ATP6V0A2: variants seen among roughly 807,000 people sequenced by gnomAD.
ATP6V0A2 encodes the protein V-type proton ATPase 116 kDa subunit a 2.
Under a neutral mutation model 104.4 loss-of-function variants are expected in ATP6V0A2, and 58 were observed. The ratio of observed to expected loss-of-function variants is 0.56; its 90% CI spans 0.45 to 0.69. The LOEUF (loss-of-function observed/expected upper bound fraction) is 0.69. Among genes scored for constraint, ATP6V0A2 ranks in the 30% least tolerant of loss-of-function variants. The probability of loss-of-function intolerance (pLI) is 0.00; values close to 1 mark genes in which losing one functional copy is unlikely to be tolerated. For synonymous variants in ATP6V0A2, 376 were observed against 397.9 expected, an observed-to-expected ratio of 0.95 and a Z score of 0.65; for missense variants, 938 against 1,062.9, an observed-to-expected ratio of 0.88 and a Z score of 1.63.
At position 123,751,116 on chromosome 12, in the gene ATP6V0A2, G is replaced by T; in HGVS notation, c.1942G>T (p.Val648Phe). The change falls in exon 16 of 20, where the codon GTC (valine) becomes TTC (phenylalanine). Residue 648 changes from valine to phenylalanine, a missense_variant. Physicochemically the swap from Val to Phe is conservative, Grantham distance 50 (BLOSUM62 -1). Transcript: ENST00000330342. The part of the protein sequence containing the change: ...TSGLYTGQEY[V>F]QRVLLVVTAL... ...TCACCTTCTGCACTAACAGGAGTAT[G>T]TCCAGAGAGTGCTGCTGGTTGTCAC... 1 of 1,614,164 alleles carries T rather than the reference G, an allele frequency of 6.2e-7. No homozygotes were observed. The highest frequency in any genetic ancestry group is 1.1e-5 in the South Asian group (1 of 91,086).
At chr12:123,742,726 C>T (rs892130442) in intron 9 of ATP6V0A2, among the ~76,000 whole-genome samples, 2 of 151,906 alleles carry the variant, frequency 1.3e-5, no homozygotes, top group African/African-American at 2.4e-5. Flanking sequence ...ATCCCAACTA[C>T]TTGGGAGGCT....
rs560577890 is a variant in ATP6V0A2 at position 123,754,691 on chromosome 12, T to A, written c.2293+154T>A. ...CACTATTCACTACTTAATACACAGC[T>A]CTCTTGGCTATTTCTTTTGGCTGAG... On this transcript the variant is annotated intron_variant, in intron 18 of 19. Transcript: ENST00000330342. 3.3e-4 allele frequency: 213 copies of A among 643,508 alleles called. 1 individual carries two copies. Among genetic ancestry groups the A allele is most frequent in the Middle Eastern group, 2.9e-3 (7 of 2,440 alleles). The allele number at this position is 643,508 out of a possible 1,614,324, so 39.9% of individuals were successfully genotyped here.
intron 6 of ATP6V0A2, chr12:123,730,527 C>T (rs565976784): frequency 2.0e-5 from 3 of 152,334 alleles, no homozygotes; most frequent in East Asian, 3.9e-4. Context: ...ATTAACCACT[C>T]ACTTGTAATA....
At chr12:123,757,060 A>C in intron 19 of ATP6V0A2, 74 bp downstream of exon 19, 1 of 1,495,886 alleles carries the variant, frequency 6.7e-7, no homozygotes, top group Non-Finnish European at 9.3e-7. Flanking sequence ...GCCCAACCAA[A>C]TATACACAGC....
chr12:123,726,388 G>T (rs1183562729), intron 5 of ATP6V0A2, 103 bp downstream of exon 5: 6 of 833,636 alleles, frequency 7.2e-6, no homozygotes, highest in Admixed American at 1.8e-5. Context: ...AAAGCCTAGG[G>T]TTGAATGAAA....
chr12:123,732,652 C>G (rs1233521082), intron 6 of ATP6V0A2: 1 of 143,858 alleles, frequency 7.0e-6, no homozygotes, highest in Non-Finnish European at 1.5e-5. Context: ...TTCCATTTAC[C>G]CTGACTTGAA....
intron 13 of ATP6V0A2, 62 bp downstream of exon 13, chr12:123,745,034 G>T (rs1361471033): frequency 4.0e-6 from 6 of 1,497,518 alleles, no homozygotes; most frequent in Non-Finnish European, 5.6e-6. Flanking sequence ...AGCTTCGGGC[G>T]CCACGAGTTT....
At position 123,761,406 on chromosome 12, in the gene ATP6V0A2, A is replaced by G. The variant is rs1219209453; in HGVS notation, c.*3374A>G. On this transcript the variant is annotated 3_prime_UTR_variant, in exon 20 of 20. Coordinates refer to ENST00000330342, the MANE Select transcript of ATP6V0A2 (RefSeq NM_012463.4). ...AAAGCCGGGTTTGCTTGCGTGCCACAGGGAATATATCCAGGAAGGTTATTA... is the reference window on the plus strand; with the variant it reads ...AAAGCCGGGTTTGCTTGCGTGCCACGGGGAATATATCCAGGAAGGTTATTA... The G allele has an allele frequency of 6.6e-6, 1 of 152,248 alleles. No individual in the cohort carries two copies. The allele number at this position is 152,248 out of a possible 1,614,324, so 9.4% of individuals were successfully genotyped here.
chr12:123,725,000 A>G lies in ATP6V0A2; in HGVS notation c.432+209A>G, dbSNP rs572320667. On this transcript the variant is annotated intron_variant, in intron 4 of 19. Transcript: ENST00000330342. ...GCCCAGGCTAGAGTGCAGTGGCACA[A>G]TCTCGGCTCACTGCACCCTCCGCCT... 4.6e-5 allele frequency among the ~76,000 whole-genome samples: 7 copies of G among 152,256 alleles called. No individual in the cohort carries two copies. In the South Asian group the frequency reaches 6.2e-4, roughly 14 times the overall value.
Position 123,747,663 on chromosome 12 carries a change from G to T in ATP6V0A2, c.1662G>T (p.Met554Ile). 1 of 1,613,878 alleles carries T rather than the reference G, an allele frequency of 6.2e-7. No individual in the cohort carries two copies. The highest frequency in any genetic ancestry group is 8.5e-7 in the Non-Finnish European group (1 of 1,179,788). Residue 554 changes from methionine (M) to isoleucine (I), a missense_variant, in exon 14 of 20, where the codon ATG becomes ATT. Physicochemically the swap from Met to Ile is conservative, Grantham distance 10. Transcript: ENST00000330342. Reference sequence around the variant, plus strand: ...TTCTAAACTCTTTCAAAATGAAAATGTCCGTGATTTTAGGAATCATTCATA... The same window carrying T: ...TTCTAAACTCTTTCAAAATGAAAATTTCCGTGATTTTAGGAATCATTCATA... ...LTFLNSFKMK[M>I]SVILGIIHMT...
chr12:123,751,160 C>A lies in ATP6V0A2; in HGVS notation c.1986C>A (p.Val662=). 1 of 1,614,170 alleles carries A rather than the reference C, an allele frequency of 6.2e-7. No individual in the cohort carries two copies. Among genetic ancestry groups the A allele is most frequent in the Non-Finnish European group, 8.5e-7 (1 of 1,180,038 alleles). Residue 662 remains valine, a synonymous_variant, in exon 16 of 20, where the codon GTC becomes GTA. Transcript: ENST00000330342. ...LLVVTALSVP[V]LFLGKPLFLL... Reference sequence around the variant, plus strand: ...TTGTCACAGCATTGTCTGTCCCTGTCCTCTTCTTGGGAAAGCCACTGTTTT... The same window carrying A: ...TTGTCACAGCATTGTCTGTCCCTGTACTCTTCTTGGGAAAGCCACTGTTTT...
In ATP6V0A2 at chr12:123,727,858, C is replaced by T. The variant is rs771496352; in HGVS notation, c.597C>T (p.Tyr199=). Residue 199 remains tyrosine (Y), a synonymous_variant, in exon 6 of 20, where the codon TAC becomes TAT. Transcript: ENST00000330342. Reference sequence around the variant, plus strand: ...TGTTGTGGAGAGTCTGCAAAGGGTACACCATCGTGTCCTATGCAGAACTGG... The same window carrying T: ...TGTTGTGGAGAGTCTGCAAAGGGTATACCATCGTGTCCTATGCAGAACTGG... ...EKMLWRVCKG[Y]TIVSYAELDE... 7 of 1,614,172 alleles carry T rather than the reference C, an allele frequency of 4.3e-6. No homozygotes were observed. The Admixed American group carries it at 6.7e-5, about 15-fold the overall frequency.
chr12:123,720,847 A>C (rs970703793), intron 2 of ATP6V0A2, among the ~76,000 whole-genome samples: 1 of 152,204 alleles, frequency 6.6e-6, no homozygotes, highest in Non-Finnish European at 1.5e-5. Flanking sequence ...CGTGGGCAAC[A>C]TAGTGAGACC....
intron 6 of ATP6V0A2, chr12:123,733,704 C>T (rs1956525558): frequency 1.8e-6 from 1 of 553,324 alleles, no homozygotes; most frequent in African/African-American, 1.9e-5. Flanking sequence ...TGTCGGGTGC[C>T]TAAAAGTTTT....
In ATP6V0A2 at chr12:123,758,078, C is replaced by T; in HGVS notation, c.*46C>T. On this transcript the variant is annotated 3_prime_UTR_variant, in exon 20 of 20. Coordinates refer to ENST00000330342, the MANE Select transcript of ATP6V0A2 (RefSeq NM_012463.4). ...AGCTTTCAGATTTATGGAGAATGACCATGTTATAGACTTTCACTTATGTCA... is the reference window on the plus strand; with the variant it reads ...AGCTTTCAGATTTATGGAGAATGACTATGTTATAGACTTTCACTTATGTCA... 1 of 1,332,252 alleles carries T rather than the reference C, an allele frequency of 7.5e-7. No individual in the cohort carries two copies. The highest frequency in any genetic ancestry group is 1.1e-6 in the Non-Finnish European group (1 of 925,300). The allele number at this position is 1,332,252 out of a possible 1,614,324, so 82.5% of individuals were successfully genotyped here.
rs1566278027 is a variant in ATP6V0A2 at position 123,727,788 on chromosome 12, T to C, written c.527T>C (p.Val176Ala). ...MQRLGAKLGF[V>A]SGLINQGKVE... ...TTGACTTTACTGTCTCACAGATTTG[T>C]GTCTGGCCTAATTAACCAAGGAAAA... The change falls in exon 6 of 20, where the codon GTG becomes GCG. Residue 176 changes from valine to alanine, a missense_variant. Transcript: ENST00000330342. 1 of 1,614,158 alleles carries C rather than the reference T, an allele frequency of 6.2e-7. No individual in the cohort carries two copies. The highest frequency in any genetic ancestry group is 8.5e-7 in the Non-Finnish European group (1 of 1,180,018).
intron 14 of ATP6V0A2, 80 bp from the exon 15 acceptor site, chr12:123,748,495 T>C: frequency 9.6e-7 from 1 of 1,038,714 alleles, no homozygotes; most frequent in East Asian, 2.4e-5. Context: ...CTTTATAGTT[T>C]AGTTGCAGAG....
chr12:123,748,846 G>T, intron 15 of ATP6V0A2, 61 bp downstream of exon 15: 1 of 1,497,310 alleles, frequency 6.7e-7, no homozygotes, highest in South Asian at 1.1e-5. Flanking sequence ...CTTTTATTCT[G>T]AGCAGTAGAA....
At chr12:123,726,894 T>G (rs1027583842) in intron 5 of ATP6V0A2, among the ~76,000 whole-genome samples, 1 of 152,184 alleles carries the variant, frequency 6.6e-6, no homozygotes, top group African/African-American at 2.4e-5. Flanking sequence ...GCATTGAGAT[T>G]TTTTTGTTGA....
Sources: allele counts gnomAD v4.1 joint callset (sites outside exome capture counted in the v4.1 genomes callset), GRCh38; gene constraint gnomAD v4.1.1; transcripts MANE v1.5; gene names NCBI Gene and HGNC (gene_info 2026-07-23, HGNC 2026-07-21).